CDKAL1: variants seen among roughly 807,000 people sequenced by gnomAD.
CDKAL1 encodes the protein CDKAL1 threonylcarbamoyladenosine tRNA methylthiotransferase, also known as threonylcarbamoyladenosine tRNA methylthiotransferase.
CDKAL1 carries 32 observed loss-of-function variants against 68.2 expected under a neutral mutation model. That is an observed-to-expected ratio of 0.47 (90% CI 0.35 to 0.63). The LOEUF is 0.63. CDKAL1 is among the 30% of genes least tolerant of loss of function. The pLI is 0.00. For synonymous variants in CDKAL1, 234 were observed against 244.3 expected (o/e 0.96, Z 0.39); for missense variants, 606 against 696.7 (o/e 0.87, Z 1.47).
At chr6:20,804,906 A>C (rs1776504916) in intron 8 of CDKAL1, among the ~76,000 whole-genome samples, 1 of 152,152 alleles carries the variant, frequency 6.6e-6, no homozygotes, top group African/African-American at 2.4e-5. Flanking sequence ...TAGTCATCAT[A>C]ACTCTGTGAC....
rs1024644987 is a variant in CDKAL1 at position 21,028,673 on chromosome 6, G to T, written c.1055+28301G>T. Among the ~76,000 whole-genome samples, 9 of 152,158 alleles carry T rather than the reference G, an allele frequency of 5.9e-5. No homozygotes were observed. In the South Asian group the frequency reaches 8.3e-4, roughly 14 times the overall value. On this transcript the variant is annotated intron_variant, in intron 11 of 15. Coordinates refer to ENST00000274695, the MANE Select transcript of CDKAL1 (RefSeq NM_017774.3). ...TATCTCCAAATACAGTCACACTGGGGTATTAGGGCTTCAACATGTAAATCT... is the reference window on the plus strand; with the variant it reads ...TATCTCCAAATACAGTCACACTGGGTTATTAGGGCTTCAACATGTAAATCT...
chr6:20,714,370 T>G (rs1771984565), intron 5 of CDKAL1, among the ~76,000 whole-genome samples: 1 of 146,736 alleles, frequency 6.8e-6, no homozygotes, highest in Admixed American at 6.8e-5. Context: ...ATGATACTAT[T>G]GTCTGTTCTT....
At chr6:20,736,198 G>A (rs1773186303) in intron 5 of CDKAL1, among the ~76,000 whole-genome samples, 1 of 151,690 alleles carries the variant, frequency 6.6e-6, no homozygotes, top group Non-Finnish European at 1.5e-5. Context: ...CCTGCTGCCT[G>A]TTTTTGTAAA....
At chr6:20,872,436 A>G (rs1760271610) in intron 9 of CDKAL1, among the ~76,000 whole-genome samples, 1 of 152,232 alleles carries the variant, frequency 6.6e-6, no homozygotes, top group South Asian at 2.1e-4. Flanking sequence ...GTACAGGATT[A>G]TAGAGGAGGT....
intron 1 of CDKAL1, among the ~76,000 whole-genome samples, chr6:20,534,896 T>G (rs76977794): frequency 4.6e-5 from 7 of 152,362 alleles, no homozygotes; most frequent in African/African-American, 1.7e-4. Context: ...TTCGCAGTTA[T>G]ATAGCTTTCC....
chr6:20,541,288 C>T (rs6456356), intron 2 of CDKAL1, among the ~76,000 whole-genome samples: 55,311 of 151,992 alleles, frequency 0.36, 10,358 homozygotes, highest in Middle Eastern at 0.44. Context: ...GCCACAGGCT[C>T]GCATGACTGG....
At chr6:20,924,743 A>C (rs1763108631) in intron 9 of CDKAL1, among the ~76,000 whole-genome samples, 1 of 152,238 alleles carries the variant, frequency 6.6e-6, no homozygotes, top group Admixed American at 6.5e-5. Context: ...CCATAACATA[A>C]AAGTGCAGGG....
intron 15 of CDKAL1, among the ~76,000 whole-genome samples, chr6:21,210,050 C>T (rs962603096): frequency 5.4e-5 from 8 of 148,120 alleles, no homozygotes; most frequent in Non-Finnish European, 3.0e-5. Context: ...CTGGTTTATA[C>T]GTGTTGTAAT....
intron 15 of CDKAL1, among the ~76,000 whole-genome samples, chr6:21,227,746 A>G (rs909880656): frequency 6.6e-6 from 1 of 152,258 alleles, no homozygotes; most frequent in African/African-American, 2.4e-5. Context: ...GTGGAGAGAA[A>G]AAAAGGATGC....
chr6:21,003,371 T>TATATATATACACACACACACAC, intron 11 of CDKAL1, among the ~76,000 whole-genome samples: 2 of 49,312 alleles, frequency 4.1e-5, no homozygotes, highest in Admixed American at 2.9e-4. Context: ...TATATATATA[T>TATATATATACACACACACACAC]ACACACACAC....
At chr6:21,223,379 G>A (rs1779606171) in intron 15 of CDKAL1, among the ~76,000 whole-genome samples, 1 of 152,208 alleles carries the variant, frequency 6.6e-6, no homozygotes, top group African/African-American at 2.4e-5. Context: ...TGAGTAGTCT[G>A]AAGGATTAGA....
At chr6:21,015,420 T>C (rs1358522872) in intron 11 of CDKAL1, among the ~76,000 whole-genome samples, 3 of 152,250 alleles carry the variant, frequency 2.0e-5, no homozygotes, top group Non-Finnish European at 4.4e-5. Flanking sequence ...AATACTATTA[T>C]AATTCAACTG....
chr6:21,042,061 A>G (rs1437503395), intron 11 of CDKAL1, among the ~76,000 whole-genome samples: 1 of 151,890 alleles, frequency 6.6e-6, no homozygotes, highest in Non-Finnish European at 1.5e-5. Flanking sequence ...GGTGAAAATG[A>G]TTTTCTTCAT....
At chr6:20,733,578 A>T (rs919892955) in intron 5 of CDKAL1, among the ~76,000 whole-genome samples, 2 of 152,232 alleles carry the variant, frequency 1.3e-5, no homozygotes, top group Admixed American at 1.3e-4. Flanking sequence ...GTTTCCAATC[A>T]GGTCCATTTG....
chr6:20,706,123 C>A (rs978865349), intron 5 of CDKAL1, among the ~76,000 whole-genome samples: 5 of 152,156 alleles, frequency 3.3e-5, no homozygotes, highest in African/African-American at 1.2e-4. Flanking sequence ...GAAGGCCAGG[C>A]ACAGCAGACT....
chr6:21,110,245 C>T (rs142757669), intron 13 of CDKAL1, among the ~76,000 whole-genome samples: 2 of 152,266 alleles, frequency 1.3e-5, no homozygotes, highest in East Asian at 3.9e-4. Context: ...AAGTTTTATT[C>T]CAGGCAGCTC....
At chr6:20,974,978 CAAAAAA>C (rs11330322) in intron 10 of CDKAL1, among the ~76,000 whole-genome samples, 3 of 62,930 alleles carry the variant, frequency 4.8e-5, no homozygotes, top group African/African-American at 1.3e-4. Flanking sequence ...GACCCTATCT[CAAAAAA>C]AAAAAAAAAA....
At chr6:20,831,391 C>T (rs1357058092) in intron 8 of CDKAL1, among the ~76,000 whole-genome samples, 6 of 147,818 alleles carry the variant, frequency 4.1e-5, no homozygotes, top group East Asian at 2.0e-4. Flanking sequence ...ACTTTTGAAG[C>T]GTTGGTTGTG....
intron 8 of CDKAL1, among the ~76,000 whole-genome samples, chr6:20,784,025 C>T (rs577268620): frequency 6.6e-4 from 101 of 152,102 alleles, no homozygotes; most frequent in Middle Eastern, 6.8e-3. Flanking sequence ...CCATCCTGGC[C>T]AACAAGGTGA....
Sources: gnomAD v4.1 joint callset for allele counts (sites outside exome capture counted in the v4.1 genomes callset) on GRCh38, gnomAD v4.1.1 for gene constraint, MANE v1.5 for transcripts, NCBI Gene and HGNC (gene_info 2026-07-23, HGNC 2026-07-21) for gene names.